NPRL3: variants seen among roughly 807,000 people sequenced by gnomAD.
The protein encoded by NPRL3 is GATOR1 complex protein NPRL3.
Under a neutral mutation model 57.2 loss-of-function variants are expected in NPRL3, and 23 were observed. That is an observed-to-expected ratio of 0.40 (90% CI 0.29 to 0.57). The LOEUF is 0.57. NPRL3 is among the 20% of genes least tolerant of loss of function. The pLI, the probability that NPRL3 is intolerant of heterozygous loss-of-function variation, is 0.42. For missense variants in NPRL3, 691 were observed against 767.1 expected (o/e 0.90, Z 1.17); for synonymous variants, 333 against 321.1 (o/e 1.04, Z -0.39).
At chr16:122,229 T>C (rs183210195) in intron 3 of NPRL3, among the ~76,000 whole-genome samples, 1 of 152,226 alleles carries the variant, frequency 6.6e-6, no homozygotes, top group East Asian at 1.9e-4. Context: ...CCCAAATATC[T>C]GGGATTACAG....
chr16:86,726 G>A lies in NPRL3; in HGVS notation c.1689C>T (p.Val563=), dbSNP rs1214023612. Residue 563 remains valine, a synonymous_variant, in exon 14 of 14, where the codon GTC becomes GTT. Coordinates refer to ENST00000611875, the MANE Select transcript of NPRL3 (RefSeq NM_001077350.3). ...GGGCTCAGGGGAGCAGAGCCTGGAAGACGGCAATGACAGGGTCCTCGTGGG... is the reference window on the plus strand; with the variant it reads ...GGGCTCAGGGGAGCAGAGCCTGGAAAACGGCAATGACAGGGTCCTCGTGGG... The part of the protein sequence containing the change: ...VTTHEDPVIA[V]FQALLP 2 of 1,563,530 alleles carry A rather than the reference G, an allele frequency of 1.3e-6. No individual in the cohort carries two copies. The highest frequency in any genetic ancestry group is 1.2e-5 in the South Asian group (1 of 84,968).
chr16:105,120 C>A (rs1358948854), intron 7 of NPRL3, among the ~76,000 whole-genome samples: 1 of 152,194 alleles, frequency 6.6e-6, no homozygotes, highest in Non-Finnish European at 1.5e-5. Context: ...TCTGGGCCAG[C>A]CAAGAGGGCC....
chr16:130,738 A>T (rs968070554), intron 2 of NPRL3, 147 bp from the exon 3 acceptor site: 17 of 742,840 alleles, frequency 2.3e-5, no homozygotes, highest in Non-Finnish European at 3.6e-5. Flanking sequence ...AGGAATGAAC[A>T]TGGGTGAACC....
rs903478041 is a variant in NPRL3, at chr16:130,597, T to C, written c.119-6A>G. ...GTATCTGCTACGCGGCTTACCTGAG[T>C]CGGGGCGAAAAGAGGGGAAGGGCTA... On this transcript the variant is annotated splice_polypyrimidine_tract_variant and splice_region_variant and intron_variant, in intron 2 of 13. Coordinates refer to ENST00000611875, the MANE Select transcript of NPRL3 (RefSeq NM_001077350.3). 5 of 1,552,992 alleles carry C rather than the reference T, an allele frequency of 3.2e-6. No individual in the cohort carries two copies. Among genetic ancestry groups the C allele is most frequent in the Non-Finnish European group, 4.4e-6 (5 of 1,148,006 alleles).
intron 3 of NPRL3, chr16:125,076 C>CAA (rs61016911): frequency 0.022 from 1,448 of 66,722 alleles, 34 homozygotes; most frequent in African/African-American, 0.067. Context: ...AACTTTGTCT[C>CAA]AAAAAAAAAA....
At chr16:87,015 C>G (rs1898505408) in intron 13 of NPRL3, 145 bp from the exon 14 acceptor site, 2 of 820,120 alleles carry the variant, frequency 2.4e-6, no homozygotes, top group Non-Finnish European at 3.7e-6. Context: ...GCCACCACAG[C>G]CCCCCAACAA....
chr16:118,565 C>A (rs1034582824), intron 4 of NPRL3, among the ~76,000 whole-genome samples: 1 of 152,194 alleles, frequency 6.6e-6, no homozygotes, highest in African/African-American at 2.4e-5. Flanking sequence ...GGGCCACAGT[C>A]AGTAGAGACC....
At chr16:132,089 T>C (rs1900838944) in intron 2 of NPRL3, among the ~76,000 whole-genome samples, 1 of 152,012 alleles carries the variant, frequency 6.6e-6, no homozygotes. Context: ...CACTACAGTC[T>C]TGACCTCCCA....
At chr16:94,358 C>T (rs554469945) in intron 9 of NPRL3, among the ~76,000 whole-genome samples, 2 of 152,350 alleles carry the variant, frequency 1.3e-5, no homozygotes, top group African/African-American at 4.8e-5. Context: ...GGACACCACT[C>T]CACCCTCTTG....
chr16:115,366 A>G (rs1899985674), intron 5 of NPRL3, among the ~76,000 whole-genome samples: 1 of 152,040 alleles, frequency 6.6e-6, no homozygotes, highest in African/African-American at 2.4e-5. Context: ...AAATGACAAA[A>G]GTATATATTT....
chr16:103,943 C>CGT (rs2141933167), intron 7 of NPRL3, among the ~76,000 whole-genome samples: 1 of 152,232 alleles, frequency 6.6e-6, no homozygotes, highest in African/African-American at 2.4e-5. Flanking sequence ...GGAGAAACCC[C>CGT]GTCTCTATTA....
intron 7 of NPRL3, among the ~76,000 whole-genome samples, chr16:102,332 G>C (rs1270464096): frequency 1.3e-5 from 2 of 152,208 alleles, no homozygotes; most frequent in African/African-American, 4.8e-5. Flanking sequence ...GCTGTCTGCA[G>C]CTGGCCTTCA....
At chr16:134,579 GA>G in intron 2 of NPRL3, among the ~76,000 whole-genome samples, 1 of 151,720 alleles carries the variant, frequency 6.6e-6, no homozygotes, top group Admixed American at 6.6e-5. Context: ...CACTTGATGC[GA>G]AAGTTTACAG....
chr16:135,124 A>G (rs2857998), intron 2 of NPRL3, among the ~76,000 whole-genome samples: 81,931 of 151,692 alleles, frequency 0.54, 23,637 homozygotes, highest in African/African-American at 0.75. Context: ...ATTAGTGGAA[A>G]TAAGGTGAAT....
At chr16:120,787 C>T (rs1473622398) in intron 3 of NPRL3, among the ~76,000 whole-genome samples, 1 of 152,168 alleles carries the variant, frequency 6.6e-6, no homozygotes, top group Non-Finnish European at 1.5e-5. Context: ...GATTCAAGTG[C>T]CTTACACCAC....
Position 135,807 on chromosome 16 carries a change from T to C in NPRL3, c.118+2343A>G, listed in dbSNP as rs537382587. 3.3e-5 allele frequency among the ~76,000 whole-genome samples: 5 copies of C among 152,168 alleles called. No homozygotes were observed. In the South Asian group the frequency reaches 8.3e-4, roughly 25 times the overall value. ...TACACAGAAGCAAACAGGGTGACTA[T>C]AGCTTTGTCCCAAGACCTATTTTTA... On this transcript the variant is annotated intron_variant, in intron 2 of 13. Coordinates refer to ENST00000611875, the MANE Select transcript of NPRL3 (RefSeq NM_001077350.3).
chr16:112,348 T>G (rs1020306024), intron 6 of NPRL3, among the ~76,000 whole-genome samples: 1 of 152,266 alleles, frequency 6.6e-6, no homozygotes, highest in Non-Finnish European at 1.5e-5. Flanking sequence ...GAAGATCATG[T>G]AACTTCTCTG....
chr16:131,597 C>CAAAAAAAAAAAAA (rs59373757), intron 2 of NPRL3, among the ~76,000 whole-genome samples: 1 of 69,706 alleles, frequency 1.4e-5, no homozygotes. Flanking sequence ...GACTCAGTCT[C>CAAAAAAAAAAAAA]AAAAAAAAAA....
chr16:116,797 C>CCG lies in NPRL3; in HGVS notation c.393+503_393+504insCG, dbSNP rs1555443791. 1.4e-4 allele frequency among the ~76,000 whole-genome samples: 20 copies of CCG among 143,826 alleles called. 2 individuals are homozygous for CCG. The highest frequency in any genetic ancestry group is 4.4e-4 in the African/African-American group (17 of 38,358). The allele number at this position is 143,826 out of a possible 152,430, so 94.4% of individuals were successfully genotyped here. A position where few individuals can be genotyped will look rare whatever the true frequency, so the allele number is the denominator to read the frequency against. On this transcript the variant is annotated intron_variant, in intron 5 of 13. Transcript: ENST00000611875. ...GGCCAACATGGCGAGACCCCCCCCC[C>CCG]CCACCGATCTCTACTAAAAATACAA...
Sources: gnomAD v4.1 joint callset for allele counts (sites outside exome capture counted in the v4.1 genomes callset) on GRCh38, gnomAD v4.1.1 for gene constraint, MANE v1.5 for transcripts, NCBI Gene and HGNC (gene_info 2026-07-23, HGNC 2026-07-21) for gene names.